Variants in LPP observed in about 807,000 individuals in gnomAD.
LPP encodes LIM domain containing preferred translocation partner in lipoma.
LPP carries 38 observed loss-of-function variants against 60.4 expected under a neutral mutation model. The observed-to-expected ratio is 0.63, with a 90% confidence interval of 0.49 to 0.83. The LOEUF is 0.83. Among genes scored for constraint, LPP ranks in the 40% least tolerant of loss-of-function variants. The pLI, the probability that LPP is intolerant of heterozygous loss-of-function variation, is 0.00. For missense variants in LPP, 902 were observed against 783.6 expected (o/e 1.15, Z -1.80); for synonymous variants, 328 against 290.8 (o/e 1.13, Z -1.30).
chr3:188,830,123 G>A (rs942776161), intron 9 of LPP, among the ~76,000 whole-genome samples: 16 of 152,010 alleles, frequency 1.1e-4, no homozygotes, highest in African/African-American at 3.1e-4. Context: ...GGCTGATGGC[G>A]TCCCTGTGTG....
chr3:188,767,139 T>A (rs906457213), intron 9 of LPP, among the ~76,000 whole-genome samples: 1 of 151,852 alleles, frequency 6.6e-6, no homozygotes, highest in Non-Finnish European at 1.5e-5. Flanking sequence ...GCATAGCAAA[T>A]AAAATGGTGA....
chr3:188,726,989 G>C (rs1718650888), intron 8 of LPP, among the ~76,000 whole-genome samples: 1 of 152,244 alleles, frequency 6.6e-6, no homozygotes, highest in African/African-American at 2.4e-5. Context: ...AAATCTCTTA[G>C]TTTAGGCAGA....
intron 8 of LPP, among the ~76,000 whole-genome samples, chr3:188,756,711 C>T (rs150846049): frequency 2.6e-5 from 4 of 152,166 alleles, no homozygotes; most frequent in African/African-American, 7.2e-5. Flanking sequence ...TCACTTTTTT[C>T]TGTACTTGTG....
chr3:188,626,683 G>T (rs974377338), intron 7 of LPP, among the ~76,000 whole-genome samples: 1 of 151,970 alleles, frequency 6.6e-6, no homozygotes, highest in African/African-American at 2.4e-5. Context: ...AACTCCAGTC[G>T]TATTGGATTA....
At chr3:188,441,663 C>T (rs1187636062) in intron 4 of LPP, among the ~76,000 whole-genome samples, 2 of 119,002 alleles carry the variant, frequency 1.7e-5, no homozygotes, top group African/African-American at 3.3e-5. Flanking sequence ...CTCTGTCGCC[C>T]AGGCTGGAGT....
At chr3:188,375,285 C>T (rs970171645) in intron 3 of LPP, among the ~76,000 whole-genome samples, 11 of 152,146 alleles carry the variant, frequency 7.2e-5, no homozygotes, top group Admixed American at 7.2e-4. Flanking sequence ...AGGAATGGTA[C>T]CAGCTCCTCT....
intron 2 of LPP, among the ~76,000 whole-genome samples, chr3:188,257,392 A>G (rs1222210015): frequency 2.0e-5 from 3 of 152,198 alleles, no homozygotes; most frequent in Non-Finnish European, 4.4e-5. Flanking sequence ...GCCACCTTTC[A>G]GCTTTGCCAT....
chr3:188,278,013 CCTTTTT>C, intron 2 of LPP, among the ~76,000 whole-genome samples: 1 of 152,234 alleles, frequency 6.6e-6, no homozygotes, highest in African/African-American at 2.4e-5. Context: ...TTCTTTTTGC[CCTTTTT>C]CTTGTGCTGG....
intron 2 of LPP, among the ~76,000 whole-genome samples, chr3:188,250,145 A>G (rs1011058631): frequency 6.6e-6 from 1 of 152,158 alleles, no homozygotes; most frequent in African/African-American, 2.4e-5. Context: ...TTCAGTGTAC[A>G]GTCCAGCCTA....
intron 7 of LPP, among the ~76,000 whole-genome samples, chr3:188,653,806 A>G (rs1852573495): frequency 6.6e-6 from 1 of 152,182 alleles, no homozygotes; most frequent in Non-Finnish European, 1.5e-5. Context: ...AGAAATTAGA[A>G]TCTCTGATCA....
intron 5 of LPP, among the ~76,000 whole-genome samples, chr3:188,501,546 G>A (rs1326302906): frequency 6.6e-6 from 1 of 151,652 alleles, no homozygotes; most frequent in African/African-American, 2.4e-5. Context: ...TCAGGAGATC[G>A]AGACCATCCT....
chr3:188,888,917 G>A lies in LPP; in HGVS notation c.*14438G>A, dbSNP rs1770969494. On this transcript the variant is annotated 3_prime_UTR_variant, in exon 12 of 12. Coordinates refer to ENST00000617246, the MANE Select transcript of LPP (RefSeq NM_001375462.1). ...AAGGTTTCCTGTACTCTGCTTCAAG[G>A]GAATGTAAGCTTTATGGCATTGAAA... is the stretch of plus-strand genomic sequence containing the variant. 4.6e-6 allele frequency: 1 copy of A among 219,388 alleles called. No individual in the cohort carries two copies. Among genetic ancestry groups the A allele is most frequent in the African/African-American group, 2.2e-5 (1 of 44,490 alleles). The allele number at this position is 219,388 out of a possible 1,614,324, so 13.6% of individuals were successfully genotyped here.
intron 9 of LPP, among the ~76,000 whole-genome samples, chr3:188,775,055 G>GTTTTCTTTTTTTTTTTTTTTTTTTTTTTT (rs1737292256): frequency 7.3e-6 from 1 of 136,686 alleles, no homozygotes; most frequent in African/African-American, 2.7e-5. Flanking sequence ...CATGCTTAGT[G>GTTTTCTTTTTTTTTTTTTTTTTTTTTTTT]TTTTTTTTTT....
intron 7 of LPP, among the ~76,000 whole-genome samples, chr3:188,623,516 C>G (rs1052876378): frequency 1.3e-5 from 2 of 152,118 alleles, no homozygotes; most frequent in Non-Finnish European, 2.9e-5. Flanking sequence ...CCTTGGCCCC[C>G]CAAAGTCCTG....
chr3:188,756,431 G>A (rs1560162272), intron 8 of LPP, among the ~76,000 whole-genome samples: 1 of 152,138 alleles, frequency 6.6e-6, no homozygotes, highest in Admixed American at 6.6e-5. Context: ...CTGATGCCTT[G>A]AAGTTTGGTA....
chr3:188,429,290 G>A (rs1790300990), intron 4 of LPP, among the ~76,000 whole-genome samples: 1 of 152,136 alleles, frequency 6.6e-6, no homozygotes, highest in Non-Finnish European at 1.5e-5. Context: ...GTGGAAGTAA[G>A]TTCCTTTTGC....
chr3:188,168,220 C>A (rs1720588620), intron 1 of LPP, among the ~76,000 whole-genome samples: 1 of 152,226 alleles, frequency 6.6e-6, no homozygotes, highest in Non-Finnish European at 1.5e-5. Context: ...GACTTCCAAC[C>A]TCTTCATTTA....
chr3:188,282,813 T>C (rs1468268322), intron 2 of LPP, among the ~76,000 whole-genome samples: 2 of 152,168 alleles, frequency 1.3e-5, no homozygotes, highest in East Asian at 1.9e-4. Flanking sequence ...CCATTTCCCA[T>C]CACACAGTTT....
intron 9 of LPP, among the ~76,000 whole-genome samples, chr3:188,817,274 A>G (rs1313359585): frequency 2.0e-5 from 3 of 152,150 alleles, no homozygotes; most frequent in African/African-American, 7.2e-5. Flanking sequence ...AGATCTCCTA[A>G]TAGCACTTGC....
Sources: gnomAD v4.1 joint callset for allele counts (sites outside exome capture counted in the v4.1 genomes callset) on GRCh38, gnomAD v4.1.1 for gene constraint, MANE v1.5 for transcripts, NCBI Gene and HGNC (gene_info 2026-07-23, HGNC 2026-07-21) for gene names.